The following DRP2 variants were observed in gnomAD, a reference collection of about 807,000 sequenced individuals.
The protein encoded by DRP2 is dystrophin related protein 2.
A neutral mutation model predicts 78.2 loss-of-function variants in DRP2; 29 were observed. The observed-to-expected ratio is 0.37, with a 90% CI of 0.28 to 0.51. DRP2 has a LOEUF of 0.51. Among genes scored for constraint, DRP2 ranks in the 20% least tolerant of loss-of-function variants. The pLI, the probability that DRP2 is intolerant of heterozygous loss-of-function variation, is 0.94. For missense variants in DRP2, 686 were observed against 770.6 expected, an observed-to-expected ratio of 0.89 and a Z score of 1.30; for synonymous variants, 290 against 281.9, an observed-to-expected ratio of 1.03 and a Z score of -0.29.
chrX:101,253,648 C>T (rs143598486), intron 17 of DRP2, among the ~76,000 whole-genome samples: 1,639 of 98,879 alleles, frequency 0.017, 44 homozygotes, highest in African/African-American at 0.06. Context: ...GAGGTTCAAG[C>T]GATTCTCCTG....
At position 101,239,828 on chromosome X, in the gene DRP2, C is replaced by T. The variant is rs1157494605; in HGVS notation, c.559+727C>T. Among the ~76,000 whole-genome samples the T allele has an allele frequency of 1.5e-4, 17 of 111,897 alleles. No individual in the cohort carries two copies. In the Admixed American group the frequency reaches 1.6e-3, roughly 11 times the overall value. ...TCCTGACCTCGTGATCCACCCACCT[C>T]GGCCTCCCAAAGTGCTGGGATTACA... On this transcript the variant is annotated intron_variant, in intron 6 of 23. Coordinates refer to ENST00000395209, the MANE Select transcript of DRP2 (RefSeq NM_001939.3).
At position 101,230,687 on chromosome X, in the gene DRP2, A is replaced by G. The variant is rs893249280; in HGVS notation, c.-63-898A>G. ...TGTGGCCACAGCCTCACCTCCTGCT[A>G]CACACAACAAGGCACCTACCTTGTA... On this transcript the variant is annotated intron_variant, in intron 2 of 23. Transcript: ENST00000395209. Among the ~76,000 whole-genome samples, 4 of 110,804 alleles carry G rather than the reference A, an allele frequency of 3.6e-5. No individual in the cohort carries two copies. In the Admixed American group the frequency reaches 3.8e-4, roughly 11 times the overall value.
Position 101,250,417 on chromosome X carries a change from C to A in DRP2, c.1541-6C>A, listed in dbSNP as rs753850905. On this transcript the variant is annotated splice_polypyrimidine_tract_variant and splice_region_variant and intron_variant, in intron 14 of 23. Transcript: ENST00000395209. ...GGTTGGCCATTCTTGACGGTGGGGCCAGCAGACCTCTTCAGCCAAGTGGCC... is the reference window on the plus strand; with the variant it reads ...GGTTGGCCATTCTTGACGGTGGGGCAAGCAGACCTCTTCAGCCAAGTGGCC... 3 of 1,211,723 alleles carry A rather than the reference C, an allele frequency of 2.5e-6. No homozygotes were observed. The highest frequency in any genetic ancestry group is 2.2e-6 in the Non-Finnish European group (2 of 895,506).
intron 16 of DRP2, among the ~76,000 whole-genome samples, chrX:101,251,987 C>A (rs1008993627): frequency 2.7e-5 from 3 of 112,123 alleles, no homozygotes; most frequent in African/African-American, 9.7e-5. Context: ...ATGAGGCACA[C>A]AGCTAGTTAG....
intron 2 of DRP2, among the ~76,000 whole-genome samples, chrX:101,230,985 G>A (rs1922288061): frequency 9.0e-6 from 1 of 111,699 alleles, no homozygotes; most frequent in Admixed American, 9.5e-5. Context: ...TACTCCTCAG[G>A]GGAAGCCCCC....
chrX:101,231,304 A>T (rs1031334709), intron 2 of DRP2, among the ~76,000 whole-genome samples: 1 of 112,299 alleles, frequency 8.9e-6, no homozygotes, highest in African/African-American at 3.2e-5. Context: ...AATTATCAGC[A>T]TACATGACTG....
rs1179180677 is a variant in DRP2 at position 101,250,985 on chromosome X, G to C, written c.1767G>C (p.Met589Ile). 1 of 1,211,825 alleles carries C rather than the reference G, an allele frequency of 8.3e-7. No individual in the cohort carries two copies. Among genetic ancestry groups the C allele is most frequent in the Non-Finnish European group, 1.1e-6 (1 of 895,478 alleles). Residue 589 changes from methionine (M) to isoleucine (I), a missense_variant, in exon 16 of 24, where the codon ATG becomes ATC. This residue lies in a region of DRP2 where 423 missense variants were observed against 531.5 expected (regional missense o/e 0.80). Coordinates refer to ENST00000395209, the MANE Select transcript of DRP2 (RefSeq NM_001939.3). ...GGGTCAACCTGGAGCCCCAGTCCAT[G>C]GTGTGGCTGGCTGTTCTGCATCGGG... ...LEWVNLEPQS[M>I]VWLAVLHRVT...
At position 101,254,921 on chromosome X, in the gene DRP2, G is replaced by C; in HGVS notation, c.2177G>C (p.Ser726Thr). The C allele has an allele frequency of 8.3e-7, 1 of 1,211,842 alleles. No individual in the cohort carries two copies. Among genetic ancestry groups the C allele is most frequent in the Middle Eastern group, 2.3e-4 (1 of 4,354 alleles). ...CACTCCCGAATTGAGCATTTTGCCA[G>C]CAGGTACCACCAGGTTTGCGGGAGG... ...DTHSRIEHFA[S>T]RLAEMESQNC... The change falls in exon 19 of 24, where the codon AGC becomes ACC. Residue 726 changes from serine to threonine, a missense_variant. Physicochemically the swap from Ser to Thr is moderately conservative, Grantham distance 58. Around this residue, in one of 2 missense-constraint regions of DRP2, gnomAD observed 423 missense variants for 531.5 expected, o/e 0.80. Transcript: ENST00000395209.
At chrX:101,260,405 G>C (rs1307305595) in intron 23 of DRP2, 92 bp from the exon 24 acceptor site, 2 of 1,103,345 alleles carry the variant, frequency 1.8e-6, no homozygotes, top group Non-Finnish European at 2.4e-6. Context: ...CTGCGGGCAG[G>C]TCTGCCCTTC....
chrX:101,233,018 A>G (rs778020482), intron 3 of DRP2, among the ~76,000 whole-genome samples: 6 of 112,275 alleles, frequency 5.3e-5, no homozygotes, highest in Non-Finnish European at 9.4e-5. Flanking sequence ...GTGGGGTGCA[A>G]GAAGCAAATA....
intron 16 of DRP2, 61 bp from the exon 17 acceptor site, chrX:101,252,544 A>G (rs945802457): frequency 1.1e-6 from 1 of 924,138 alleles, no homozygotes; most frequent in Non-Finnish European, 1.6e-6. Flanking sequence ...TTAGGGGAAC[A>G]GCGGGGAGGT....
At chrX:101,239,576 T>C (rs1051440843) in intron 6 of DRP2, among the ~76,000 whole-genome samples, 1 of 110,120 alleles carries the variant, frequency 9.1e-6, no homozygotes, top group Non-Finnish European at 1.9e-5. Flanking sequence ...GACCCCCATC[T>C]CTACAATTTT....
chrX:101,220,878 C>A (rs185272157), intron 1 of DRP2, among the ~76,000 whole-genome samples: 33 of 111,903 alleles, frequency 2.9e-4, no homozygotes, highest in African/African-American at 1.1e-3. Context: ...CTCTTGAAAG[C>A]ATAGCTTGGA....
intron 2 of DRP2, among the ~76,000 whole-genome samples, chrX:101,226,643 G>A (rs1013804215): frequency 9.0e-6 from 1 of 111,640 alleles, no homozygotes; most frequent in African/African-American, 3.3e-5. Context: ...CCACAGTTTG[G>A]TATCCAGCAG....
At position 101,241,843 on chromosome X, in the gene DRP2, T is replaced by C; in HGVS notation, c.735T>C (p.Thr245=). 8.3e-7 allele frequency: 1 copy of C among 1,200,345 alleles called. No individual in the cohort carries two copies. ...EIQGAMEELS[T]TLSQAEGVRA... ...AAGGGGCAATGGAGGAACTAAGCAC[T>C]ACTCTGAGCCAAGCTGAGGGAGTCC... is the stretch of plus-strand genomic sequence containing the variant. Residue 245 remains threonine (T), a synonymous_variant, in exon 7 of 24, where the codon ACT becomes ACC. Transcript: ENST00000395209.
chrX:101,241,321 TG>T (rs1448192206), intron 6 of DRP2, among the ~76,000 whole-genome samples: 1 of 111,431 alleles, frequency 9.0e-6, no homozygotes, highest in East Asian at 2.8e-4. Context: ...TGGCAGATTA[TG>T]TCAATGTCAA....
At position 101,243,397 on chromosome X, in the gene DRP2, CA is replaced by C. The variant is rs768951598; in HGVS notation, c.1054+434del. ...GGGCGATAAGGATGAAACTCCGTCT[CA>C]AAAAAAAAAAAAAAAAAACACAATC... On this transcript the variant is annotated intron_variant, in intron 9 of 23. Coordinates refer to ENST00000395209, the MANE Select transcript of DRP2 (RefSeq NM_001939.3). Among the ~76,000 whole-genome samples the C allele has an allele frequency of 4.9e-3, 142 of 29,123 alleles. No homozygotes were observed. In the South Asian group the frequency reaches 0.068, roughly 14 times the overall value. The allele number at this position is 29,123 out of a possible 115,157, so 25.3% of individuals were successfully genotyped here.
chrX:101,241,358 A>G (rs1229220813), intron 6 of DRP2, among the ~76,000 whole-genome samples: 2 of 111,904 alleles, frequency 1.8e-5, no homozygotes, highest in Non-Finnish European at 3.8e-5. Flanking sequence ...ATTATACTGT[A>G]GTTTTGCAAG....
intron 14 of DRP2, among the ~76,000 whole-genome samples, chrX:101,249,924 C>T (rs1923070313): frequency 1.8e-5 from 2 of 111,765 alleles, no homozygotes; most frequent in Admixed American, 9.5e-5. Context: ...TTGGATTATG[C>T]ATGCCAGTGT....
Sources: allele counts gnomAD v4.1 joint callset (sites outside exome capture counted in the v4.1 genomes callset), GRCh38; gene constraint gnomAD v4.1.1; regional missense constraint gnomAD v4.1.1; transcripts MANE v1.5; gene names NCBI Gene and HGNC (gene_info 2026-07-23, HGNC 2026-07-21).